Variants in PLCD4 observed in about 807,000 individuals in gnomAD.
The protein encoded by PLCD4 is phospholipase C delta 4.
In PLCD4, 63 loss-of-function variants were observed where a neutral mutation model predicts 90.2. The observed-to-expected ratio is 0.70, with a 90% CI of 0.57 to 0.86. The LOEUF (loss-of-function observed/expected upper bound fraction) is 0.86, where lower values mean the gene tolerates loss of function less well. Among genes scored for constraint, PLCD4 ranks in the 40% least tolerant of loss-of-function variants. PLCD4 has a pLI of 0.00. For synonymous variants in PLCD4, 294 were observed against 356.5 expected, an observed-to-expected ratio of 0.82 and a Z score of 1.97; for missense variants, 830 against 956.3, an observed-to-expected ratio of 0.87 and a Z score of 1.74.
At chr2:218,612,893 A>T (rs1695407462) in intron 1 of PLCD4, among the ~76,000 whole-genome samples, 1 of 152,222 alleles carries the variant, frequency 6.6e-6, no homozygotes, top group Admixed American at 6.5e-5. Context: ...GGGTCTTCCC[A>T]CAAAAGAGAC....
At chr2:218,621,410 GC>G in intron 4 of PLCD4, 59 bp from the exon 5 acceptor site, 2 of 1,596,106 alleles carry the variant, frequency 1.3e-6, no homozygotes, top group Non-Finnish European at 1.7e-6. Context: ...GGACGAAGGT[GC>G]ACACACAACT....
Position 218,633,661 on chromosome 2 carries a change from T to C in PLCD4, c.1506T>C (p.Ser502=). ...CTTCCCTGGTTATCTACTTGAAGTCTGTCTCATTCCGCAGCTTCACACATT... is the reference window on the plus strand; with the variant it reads ...CTTCCCTGGTTATCTACTTGAAGTCCGTCTCATTCCGCAGCTTCACACATT... The part of the protein sequence containing the change: ...ALSSLVIYLK[S]VSFRSFTHSK... Residue 502 remains serine, a synonymous_variant, in exon 11 of 16, where the codon TCT becomes TCC. Transcript: ENST00000450993. 6.2e-7 allele frequency: 1 copy of C among 1,613,284 alleles called. No homozygotes were observed. The highest frequency in any genetic ancestry group is 8.5e-7 in the Non-Finnish European group (1 of 1,179,212).
intron 10 of PLCD4, 58 bp from the exon 11 acceptor site, chr2:218,633,547 C>T: frequency 6.4e-7 from 1 of 1,567,412 alleles, no homozygotes; most frequent in Middle Eastern, 1.7e-4. Flanking sequence ...TGGCCATTAT[C>T]TTCTTCTCTC....
At chr2:218,616,100 G>T (rs1377124138) in intron 3 of PLCD4, 38 bp downstream of exon 3, 1 of 1,604,748 alleles carries the variant, frequency 6.2e-7, no homozygotes. Flanking sequence ...ATACATGGGT[G>T]GATAGAGGCC....
chr2:218,636,809 C>T lies in PLCD4; in HGVS notation c.*232C>T. ...ATAAGCCTTTGGTATCTTTCCTGCCCTTTTCCTTTGTGTACTCTATACTGG... is the reference window on the plus strand; with the variant it reads ...ATAAGCCTTTGGTATCTTTCCTGCCTTTTTCCTTTGTGTACTCTATACTGG... On this transcript the variant is annotated 3_prime_UTR_variant, in exon 16 of 16. Coordinates refer to ENST00000450993, the MANE Select transcript of PLCD4 (RefSeq NM_032726.4). 1.7e-6 allele frequency: 1 copy of T among 605,476 alleles called. No individual in the cohort carries two copies. The highest frequency in any genetic ancestry group is 2.3e-5 in the Admixed American group (1 of 43,708). 37.5% of individuals were successfully genotyped at this position (605,476 alleles called of 1,614,324 possible). A position where few individuals can be genotyped will look rare whatever the true frequency, so the allele number is the denominator to read the frequency against.
chr2:218,623,016 A>C (rs2106140094), intron 6 of PLCD4, 138 bp downstream of exon 6: 75 of 729,318 alleles, frequency 1.0e-4, no homozygotes, highest in Non-Finnish European at 1.3e-4. Context: ...CAATCATCTC[A>C]TTTAACCACT....
chr2:218,634,515 G>A lies in PLCD4; in HGVS notation c.1781G>A (p.Arg594His), dbSNP rs555345253. 28 of 1,614,032 alleles carry A rather than the reference G, an allele frequency of 1.7e-5. No individual in the cohort carries two copies. Among genetic ancestry groups the A allele is most frequent in the African/African-American group, 1.1e-4 (8 of 75,052 alleles). ...LEMDICDGHF[R>H]QNGGCGYVLK... Reference sequence around the variant, plus strand: ...ATGGACATCTGTGATGGGCATTTCCGCCAGAATGGCGGCTGTGGCTATGTG... The same window carrying A: ...ATGGACATCTGTGATGGGCATTTCCACCAGAATGGCGGCTGTGGCTATGTG... The change falls in exon 13 of 16, where the codon CGC (arginine) becomes CAC (histidine). Residue 594 changes from arginine (R) to histidine (H), a missense_variant. By Grantham distance (29) the Arg-to-His change is conservative (BLOSUM62 0). Coordinates refer to ENST00000450993, the MANE Select transcript of PLCD4 (RefSeq NM_032726.4). The surrounding 1 kb of genome is among the most constrained non-coding windows in gnomAD (Gnocchi z 4.0).
intron 1 of PLCD4, among the ~76,000 whole-genome samples, chr2:218,614,315 A>G (rs832807): frequency 0.99 from 150,138 of 151,618 alleles, 74,352 homozygotes; most frequent in Middle Eastern, 1. Flanking sequence ...CACCGCGCCC[A>G]GCCTTTTGTA....
intron 4 of PLCD4, among the ~76,000 whole-genome samples, chr2:218,619,242 G>C (rs1348417866): frequency 6.7e-6 from 1 of 150,250 alleles, no homozygotes; most frequent in East Asian, 2.0e-4. Flanking sequence ...AATGTATCAG[G>C]CACTATGCCA....
At chr2:218,610,382 C>T (rs1695278382) in intron 1 of PLCD4, among the ~76,000 whole-genome samples, 1 of 152,110 alleles carries the variant, frequency 6.6e-6, no homozygotes, top group African/African-American at 2.4e-5. Context: ...GTGGCACACA[C>T]CTGTAATCCC....
At chr2:218,612,617 C>G (rs1471403538) in intron 1 of PLCD4, among the ~76,000 whole-genome samples, 1 of 152,058 alleles carries the variant, frequency 6.6e-6, no homozygotes, top group Non-Finnish European at 1.5e-5. Flanking sequence ...ACTCAAAATA[C>G]AAAAATTAGC....
At chr2:218,615,084 C>T (rs1450157813) in intron 1 of PLCD4, among the ~76,000 whole-genome samples, 2 of 151,930 alleles carry the variant, frequency 1.3e-5, no homozygotes, top group African/African-American at 4.8e-5. Context: ...AAAAATTAGC[C>T]GGGTGTGGTG....
chr2:218,633,737 G>A lies in PLCD4; in HGVS notation c.1582G>A (p.Ala528Thr). Residue 528 changes from alanine (A) to threonine (T), a missense_variant, in exon 11 of 16, where the codon GCC becomes ACC. Physicochemically the swap from Ala to Thr is moderately conservative, Grantham distance 58. Coordinates refer to ENST00000450993, the MANE Select transcript of PLCD4 (RefSeq NM_032726.4). ...YEISSFSETK[A>T]KRLIKEAGNE... Reference sequence around the variant, plus strand: ...GATATCATCTTTCTCTGAAACCAAGGCCAAGCGCCTCATCAAGGAGGCTGG... The same window carrying A: ...GATATCATCTTTCTCTGAAACCAAGACCAAGCGCCTCATCAAGGAGGCTGG... 6.2e-7 allele frequency: 1 copy of A among 1,613,916 alleles called. No homozygotes were observed. The highest frequency in any genetic ancestry group is 8.5e-7 in the Non-Finnish European group (1 of 1,179,880).
chr2:218,628,709 A>C (rs568181382), intron 7 of PLCD4: 179 of 158,794 alleles, frequency 1.1e-3, no homozygotes, highest in African/African-American at 4.0e-3. Flanking sequence ...TTCATATGTC[A>C]ATAGCTAATA....
At chr2:218,635,483 C>T (rs1383986511) in intron 13 of PLCD4, among the ~76,000 whole-genome samples, 3 of 152,024 alleles carry the variant, frequency 2.0e-5, no homozygotes, top group Non-Finnish European at 4.4e-5. Flanking sequence ...GGACTACAGG[C>T]GCCCGCCACC....
At chr2:218,625,572 A>T (rs2106145369) in intron 6 of PLCD4, among the ~76,000 whole-genome samples, 1 of 152,366 alleles carries the variant, frequency 6.6e-6, no homozygotes, top group Non-Finnish European at 1.5e-5. Flanking sequence ...AATTGATAAA[A>T]TGAAATAATG....
At chr2:218,629,784 G>A in intron 8 of PLCD4, 121 bp downstream of exon 8, 1 of 1,110,988 alleles carries the variant, frequency 9.0e-7, no homozygotes, top group South Asian at 1.6e-5. Context: ...GGATTTAACT[G>A]TAAAGCATCA....
chr2:218,629,686 A>T (rs188184191), intron 8 of PLCD4, 23 bp downstream of exon 8: 1 of 1,607,738 alleles, frequency 6.2e-7, no homozygotes, highest in African/African-American at 1.3e-5. Context: ...GGATGGGGAC[A>T]CTGGTGAGGC....
chr2:218,618,962 G>A, intron 4 of PLCD4, 155 bp downstream of exon 4: 1 of 649,922 alleles, frequency 1.5e-6, no homozygotes, highest in South Asian at 2.0e-5. Context: ...GCCAATGTGA[G>A]ACTGAGAATA....
Sources: allele counts gnomAD v4.1 joint callset (sites outside exome capture counted in the v4.1 genomes callset), GRCh38; gene constraint gnomAD v4.1.1; non-coding constraint Gnocchi (gnomAD v3.1); transcripts MANE v1.5; gene names NCBI Gene and HGNC (gene_info 2026-07-23, HGNC 2026-07-21).